Variants in DENND2B observed in about 807,000 individuals in gnomAD.
The protein encoded by DENND2B is DENN domain-containing protein 2B.
Under a neutral mutation model 116.0 loss-of-function variants are expected in DENND2B, and 32 were observed. The ratio of observed to expected loss-of-function variants is 0.28; its 90% CI spans 0.21 to 0.37. The LOEUF (loss-of-function observed/expected upper bound fraction) is 0.37. Among genes scored for constraint, DENND2B ranks in the 10% least tolerant of loss-of-function variants. DENND2B has a pLI of 1.00. For missense variants in DENND2B, 1,276 were observed against 1,477.7 expected (o/e 0.86, Z 2.24); for synonymous variants, 588 against 583.9 (o/e 1.01, Z -0.10).
chr11:8,759,956 C>A (rs1023115826), intron 1 of DENND2B, among the ~76,000 whole-genome samples: 3 of 152,182 alleles, frequency 2.0e-5, no homozygotes, highest in African/African-American at 7.2e-5. Context: ...GGACTTCAAC[C>A]TCACCCTCAG....
At chr11:8,729,856 T>C (rs2047793448) in intron 3 of DENND2B, 94 bp downstream of exon 3, 7 of 1,499,814 alleles carry the variant, frequency 4.7e-6, no homozygotes, top group Non-Finnish European at 6.3e-6. Flanking sequence ...GAAGCACTAA[T>C]GACTGCGACC....
intron 2 of DENND2B, among the ~76,000 whole-genome samples, chr11:8,736,608 G>T (rs940706417): frequency 2.0e-5 from 3 of 152,148 alleles, no homozygotes; most frequent in Admixed American, 6.5e-5. Context: ...CTTGCCAGGG[G>T]ACACATGAAC....
chr11:8,729,226 T>C (rs1429916988), intron 3 of DENND2B, among the ~76,000 whole-genome samples: 1 of 152,166 alleles, frequency 6.6e-6, no homozygotes, highest in Admixed American at 6.5e-5. Context: ...ACTCCCAGCC[T>C]ACCCTGATTC....
chr11:8,838,428 C>A (rs1259292362), intron 4 of DENND2B, among the ~76,000 whole-genome samples: 1 of 152,250 alleles, frequency 6.6e-6, no homozygotes, highest in African/African-American at 2.4e-5. Context: ...GACCACAACA[C>A]CTCCGTTATA....
intron 1 of DENND2B, among the ~76,000 whole-genome samples, chr11:8,906,421 A>C (rs2134769588): frequency 1.3e-5 from 2 of 150,212 alleles, no homozygotes; most frequent in Middle Eastern, 3.5e-3. Context: ...GGATGGTCTC[A>C]ATCTCCTGGC....
At chr11:8,708,379 G>A (rs2042984568) in intron 11 of DENND2B, 6 of 968,926 alleles carry the variant, frequency 6.2e-6, no homozygotes, top group Non-Finnish European at 7.4e-6. Flanking sequence ...TACTGTTTAT[G>A]GAACATTTGC....
chr11:8,783,361 T>C (rs2134272496), intron 1 of DENND2B, among the ~76,000 whole-genome samples: 1 of 152,348 alleles, frequency 6.6e-6, no homozygotes, highest in Middle Eastern at 3.4e-3. Flanking sequence ...TCAGGTTAAC[T>C]AAATAACAAT....
At position 8,730,876 on chromosome 11, in the gene DENND2B, C is replaced by T. The variant is rs1370938884; in HGVS notation, c.414G>A (p.Thr138=). 5.6e-6 allele frequency: 9 copies of T among 1,613,628 alleles called. No individual in the cohort carries two copies. Among genetic ancestry groups the T allele is most frequent in the South Asian group, 1.1e-5 (1 of 91,082 alleles). The change falls in exon 3 of 20, where the codon ACG becomes ACA. Residue 138 remains threonine (T), a synonymous_variant. Transcript: ENST00000313726. The surrounding 1 kb of genome is among the most constrained non-coding windows in gnomAD (Gnocchi z 4.1). The stretch of plus-strand genomic sequence containing the variant: ...GGCCAGCTGCTGGCCCCGGGAATGG[C>T]GTGCTCTGGGCAAGGGGGAGGCAGG... ...VAACLPLAQS[T]PFPGPAAGPR...
At position 8,703,906 on chromosome 11, in the gene DENND2B, CAGAA is replaced by C. The variant is rs201372227; in HGVS notation, c.2572-1190_2572-1187del. ...CAAATGGTCAGTGAACGTGGACTCA[CAGAA>C]AGAAGTAGCACAATGATGCCAGAGC... On this transcript the variant is annotated intron_variant, in intron 13 of 19. Transcript: ENST00000313726. Among the ~76,000 whole-genome samples, 11 of 152,204 alleles carry C rather than the reference CAGAA, an allele frequency of 7.2e-5. No homozygotes were observed. In the East Asian group the frequency reaches 1.9e-3, roughly 27 times the overall value.
At chr11:8,849,118 AG>A (rs1277440063) in intron 3 of DENND2B, among the ~76,000 whole-genome samples, 1 of 152,176 alleles carries the variant, frequency 6.6e-6, no homozygotes, top group African/African-American at 2.4e-5. Context: ...TGGACCCCCA[AG>A]GGTTGCACCA....
chr11:8,800,265 A>G (rs1459329145), intron 1 of DENND2B, among the ~76,000 whole-genome samples: 2 of 152,124 alleles, frequency 1.3e-5, no homozygotes, highest in Non-Finnish European at 2.9e-5. Context: ...GGCCTTTACC[A>G]TCTTTTAATT....
At chr11:8,752,429 G>A (rs7944777) in intron 1 of DENND2B, among the ~76,000 whole-genome samples, 2,827 of 151,036 alleles carry the variant, frequency 0.019, 89 homozygotes, top group African/African-American at 0.065. Context: ...TCCAGCCTGG[G>A]TGACAGGGCA....
chr11:8,702,678 C>T lies in DENND2B; in HGVS notation c.2614G>A (p.Val872Met), dbSNP rs1171076136. 3 of 1,613,928 alleles carry T rather than the reference C, an allele frequency of 1.9e-6. No individual in the cohort carries two copies. Among genetic ancestry groups the T allele is most frequent in the East Asian group, 2.2e-5 (1 of 44,878 alleles). The change falls in exon 14 of 20, where the codon GTG (valine) becomes ATG (methionine). Residue 872 changes from valine (V) to methionine (M), a missense_variant. This residue lies in a region of DENND2B where 420 missense variants were observed against 631.1 expected (regional missense o/e 0.67). Transcript: ENST00000313726. The surrounding 1 kb of genome is among the most constrained non-coding windows in gnomAD (Gnocchi z 4.6). Reference protein sequence around the residue: ...RRPMDSRLEHVDFECLFTCLS... With the variant: ...RRPMDSRLEHMDFECLFTCLS... Reference sequence around the variant, plus strand: ...CAGGTAAAAAGGCACTCAAAGTCCACGTGCTCCAGCCTTGAGTCCATGGGC... The same window carrying T: ...CAGGTAAAAAGGCACTCAAAGTCCATGTGCTCCAGCCTTGAGTCCATGGGC...
intron 2 of DENND2B, among the ~76,000 whole-genome samples, chr11:8,880,834 C>T (rs939715466): frequency 6.6e-5 from 10 of 152,334 alleles, no homozygotes; most frequent in Admixed American, 1.3e-4. Flanking sequence ...CCAAGCCTGT[C>T]TCTTCCCAAA....
intron 1 of DENND2B, among the ~76,000 whole-genome samples, chr11:8,796,708 A>G (rs2059844780): frequency 6.6e-6 from 1 of 152,198 alleles, no homozygotes; most frequent in South Asian, 2.1e-4. Context: ...TAGTTTACTG[A>G]CAAATTACTT....
At chr11:8,825,589 A>G (rs2061947492) in intron 4 of DENND2B, among the ~76,000 whole-genome samples, 1 of 152,072 alleles carries the variant, frequency 6.6e-6, no homozygotes, top group Non-Finnish European at 1.5e-5. Flanking sequence ...TGACTTGGAT[A>G]AGACACAATT....
At chr11:8,825,181 C>A (rs2061930552) in intron 4 of DENND2B, among the ~76,000 whole-genome samples, 1 of 152,154 alleles carries the variant, frequency 6.6e-6, no homozygotes, top group Non-Finnish European at 1.5e-5. Context: ...ACCTTACCAG[C>A]ACCTATACTT....
intron 11 of DENND2B, among the ~76,000 whole-genome samples, chr11:8,709,831 T>A (rs1324909184): frequency 6.6e-6 from 1 of 152,156 alleles, no homozygotes. Flanking sequence ...ATGTGACAGG[T>A]TCTAAACAAC....
chr11:8,696,654 AG>A lies in DENND2B; in HGVS notation c.3064del (p.Leu1022SerfsTer24). The A allele has an allele frequency of 6.2e-7, 1 of 1,614,098 alleles. No homozygotes were observed. Among genetic ancestry groups the A allele is most frequent in the Non-Finnish European group, 8.5e-7 (1 of 1,180,004 alleles). On this transcript the variant is annotated frameshift_variant, in exon 18 of 20. Coordinates refer to ENST00000313726, the MANE Select transcript of DENND2B (RefSeq NM_213618.2). LOFTEE classifies it high-confidence loss of function. ...DSDSDDECNTLNGLVSEVFIR... is the reference protein window; with the variant it reads ...DSDSDDECNTXNGLVSEVFIR... Reference sequence around the variant, plus strand: ...AAACACCTCCGACACCAGCCCATTGAGGGTATTACATTCTGGAAGGGAAAAG... The same window carrying A: ...AAACACCTCCGACACCAGCCCATTGAGGTATTACATTCTGGAAGGGAAAAG...
Sources: allele counts gnomAD v4.1 joint callset (sites outside exome capture counted in the v4.1 genomes callset), GRCh38; gene constraint gnomAD v4.1.1; regional missense constraint gnomAD v4.1.1; non-coding constraint Gnocchi (gnomAD v3.1); transcripts MANE v1.5; gene names NCBI Gene and HGNC (gene_info 2026-07-23, HGNC 2026-07-21).